DLC1: variants seen among roughly 807,000 people sequenced by gnomAD.
DLC1 encodes rho GTPase-activating protein 7.
DLC1 carries 54 observed loss-of-function variants against 140.3 expected under a neutral mutation model. The observed-to-expected ratio is 0.38, with a 90% confidence interval of 0.31 to 0.48. The LOEUF is 0.48. DLC1 is among the 20% of genes least tolerant of loss of function. The pLI, the probability that DLC1 is intolerant of heterozygous loss-of-function variation, is 0.96. For missense variants in DLC1, 2,536 were observed against 1,907.0 expected (o/e 1.33, Z -6.14); for synonymous variants, 986 against 728.1 (o/e 1.35, Z -5.70).
At chr8:13,576,967 A>G (rs1010860822) in intron 1 of DLC1, among the ~76,000 whole-genome samples, 1 of 151,994 alleles carries the variant, frequency 6.6e-6, no homozygotes, top group Non-Finnish European at 1.5e-5. Context: ...CGAGGAACAT[A>G]TTAGTAATAT....
Position 13,499,002 on chromosome 8 carries a change from A to G in DLC1, c.1023+47T>C, listed in dbSNP as rs1255993071. 4.6e-6 allele frequency: 7 copies of G among 1,528,594 alleles called. No homozygotes were observed. In the East Asian group the frequency reaches 1.4e-4, roughly 30 times the overall value. 94.7% of individuals were successfully genotyped at this position (1,528,594 alleles called of 1,614,324 possible). A position where few individuals can be genotyped will look rare whatever the true frequency, so the allele number is the denominator to read the frequency against. On this transcript the variant is annotated intron_variant, in intron 2 of 17. Transcript: ENST00000276297. ...AAAATGATAACTGATAAATCCAAGG[A>G]TATTTACAAAATTTCAAAAGCCAGA...
At chr8:13,119,140 G>C (rs537286426) in intron 5 of DLC1, among the ~76,000 whole-genome samples, 1 of 151,214 alleles carries the variant, frequency 6.6e-6, no homozygotes, top group East Asian at 2.0e-4. Context: ...GAAGTGGAAG[G>C]ACCTACTTGA....
intron 5 of DLC1, among the ~76,000 whole-genome samples, chr8:13,159,895 C>G (rs914546035): frequency 6.6e-6 from 1 of 150,448 alleles, no homozygotes; most frequent in African/African-American, 2.4e-5. Flanking sequence ...TGTGGAGGCT[C>G]AAGTCTGTAA....
At chr8:13,477,269 A>G (rs1800475453) in intron 2 of DLC1, among the ~76,000 whole-genome samples, 1 of 152,250 alleles carries the variant, frequency 6.6e-6, no homozygotes. Flanking sequence ...GATATCTTCA[A>G]GAAGACAGCG....
intron 5 of DLC1, among the ~76,000 whole-genome samples, chr8:13,286,874 A>C (rs908361247): frequency 9.9e-5 from 15 of 152,196 alleles, no homozygotes; most frequent in Non-Finnish European, 1.8e-4. Context: ...ATGGAACCTC[A>C]TGATGTGTTT....
At chr8:13,259,113 G>A (rs1830376499) in intron 5 of DLC1, among the ~76,000 whole-genome samples, 2 of 145,634 alleles carry the variant, frequency 1.4e-5, no homozygotes, top group Non-Finnish European at 3.0e-5. Flanking sequence ...CTCCAGCCTG[G>A]GCAACGCAGT....
intron 5 of DLC1, among the ~76,000 whole-genome samples, chr8:13,139,176 G>C (rs1222754596): frequency 6.6e-6 from 1 of 150,606 alleles, no homozygotes; most frequent in Non-Finnish European, 1.5e-5. Context: ...TGTGTTCCCA[G>C]CTACTTGGGA....
intron 4 of DLC1, among the ~76,000 whole-genome samples, chr8:13,313,404 C>T (rs1832755854): frequency 6.6e-6 from 1 of 152,194 alleles, no homozygotes; most frequent in Admixed American, 6.5e-5. Context: ...TGAATATGAA[C>T]ACGTACAAGG....
Position 13,092,752 on chromosome 8 carries a change from A to T in DLC1, c.3600T>A (p.Val1200=). 6.2e-7 allele frequency: 1 copy of T among 1,614,166 alleles called. No homozygotes were observed. Among genetic ancestry groups the T allele is most frequent in the Non-Finnish European group, 8.5e-7 (1 of 1,180,028 alleles). Residue 1200 remains valine (V), a synonymous_variant, in exon 13 of 18, where the codon GTT becomes GTA. Transcript: ENST00000276297. The part of the protein sequence containing the change: ...IMLLPDENRE[V]LQTLLYFLSD... ...TCAGGAAATAAAGCAGGGTCTGCAG[A>T]ACCTCCCGGTTCTCGTCAGGCAGCA...
chr8:13,489,412 T>TACATACACACAC, intron 2 of DLC1, among the ~76,000 whole-genome samples: 1 of 132,356 alleles, frequency 7.6e-6, no homozygotes, highest in East Asian at 2.2e-4. Flanking sequence ...ACACACACCA[T>TACATACACACAC]ACACACACAC....
At chr8:13,546,053 A>G (rs1005217085) in intron 1 of DLC1, among the ~76,000 whole-genome samples, 2 of 152,134 alleles carry the variant, frequency 1.3e-5, no homozygotes, top group Admixed American at 6.6e-5. Flanking sequence ...TAAGAAAACA[A>G]TCTTTTATGC....
intron 1 of DLC1, among the ~76,000 whole-genome samples, chr8:13,555,926 G>C (rs1042721599): frequency 5.3e-5 from 8 of 152,026 alleles, no homozygotes; most frequent in Admixed American, 5.2e-4. Context: ...ATGTTTAAAG[G>C]TTTTGTAATA....
intron 3 of DLC1, 101 bp downstream of exon 3, chr8:13,401,369 G>T: frequency 6.9e-7 from 1 of 1,447,248 alleles, no homozygotes; most frequent in Non-Finnish European, 9.3e-7. Flanking sequence ...GTTACATGTT[G>T]TTAGATGCCA....
chr8:13,124,640 TC>T (rs1252268477), intron 5 of DLC1, among the ~76,000 whole-genome samples: 1 of 152,208 alleles, frequency 6.6e-6, no homozygotes, highest in African/African-American at 2.4e-5. Context: ...CAGGAAAGAA[TC>T]CACTGCCTAG....
chr8:13,504,363 G>C (rs1176546546), intron 1 of DLC1, among the ~76,000 whole-genome samples: 1 of 152,160 alleles, frequency 6.6e-6, no homozygotes, highest in African/African-American at 2.4e-5. Context: ...GACCTCAGGT[G>C]ATCCGCCTGC....
At chr8:13,165,372 C>T (rs796816367) in intron 5 of DLC1, among the ~76,000 whole-genome samples, 24 of 152,264 alleles carry the variant, frequency 1.6e-4, no homozygotes, top group African/African-American at 5.8e-4. Context: ...AAGAGGTTTT[C>T]GCGTGACACA....
intron 5 of DLC1, among the ~76,000 whole-genome samples, chr8:13,231,362 CTGA>C (rs1563183759): frequency 6.6e-6 from 1 of 152,224 alleles, no homozygotes; most frequent in African/African-American, 2.4e-5. Flanking sequence ...AGATTTCCCA[CTGA>C]TGACTGTGTG....
At chr8:13,123,072 G>T (rs566153893) in intron 5 of DLC1, among the ~76,000 whole-genome samples, 53 of 152,278 alleles carry the variant, frequency 3.5e-4, no homozygotes, top group South Asian at 2.9e-3. Flanking sequence ...AATTCACAGT[G>T]GAGTACAGCG....
Position 13,229,167 on chromosome 8 carries a change from A to G in DLC1, c.1348+76102T>C, listed in dbSNP as rs191248923. Among the ~76,000 whole-genome samples, 10 of 152,312 alleles carry G rather than the reference A, an allele frequency of 6.6e-5. No individual in the cohort carries two copies. The East Asian group carries it at 1.9e-3, about 29-fold the overall frequency. On this transcript the variant is annotated intron_variant, in intron 5 of 17. Coordinates refer to ENST00000276297, the MANE Select transcript of DLC1 (RefSeq NM_182643.3). ...AGCTTTCTTCATAATAACCAAAAAG[A>G]GGCAACAATCCAAATGTCCACCAAC...
Sources: gnomAD v4.1 joint callset for allele counts (sites outside exome capture counted in the v4.1 genomes callset) on GRCh38, gnomAD v4.1.1 for gene constraint, MANE v1.5 for transcripts, NCBI Gene and HGNC (gene_info 2026-07-23, HGNC 2026-07-21) for gene names.